Variants in IL13 observed in about 807,000 individuals in gnomAD.
IL13 encodes interleukin 13.
A neutral mutation model predicts 11.1 loss-of-function variants in IL13; 9 were observed. The observed-to-expected ratio is 0.81, with a 90% CI of 0.49 to 1.42. The LOEUF is 1.42. IL13 is among the 40% of genes most tolerant of loss of function. IL13 has a pLI of 0.00. For synonymous variants in IL13, 75 were observed against 76.9 expected (o/e 0.97, Z 0.13); for missense variants, 181 against 182.5 (o/e 0.99, Z 0.05).
rs1471091323 is a variant in IL13, at chr5:132,659,936, G to A, written c.333+108G>A. On this transcript the variant is annotated intron_variant, in intron 3 of 3. Coordinates refer to ENST00000304506, the MANE Select transcript of IL13 (RefSeq NM_002188.3). This position sits in a 1 kb window ranked among gnomAD's most constrained non-coding sequence, Gnocchi z 4.1. The stretch of plus-strand genomic sequence containing the variant: ...ATCCATGGTGTGTGTCCACCCAGGG[G>A]TGGGGCCATTGTGGCAGCAGGGACG... The A allele has an allele frequency of 1.3e-6, 2 of 1,503,518 alleles. No homozygotes were observed. Among genetic ancestry groups the A allele is most frequent in the Non-Finnish European group, 8.9e-7 (1 of 1,124,868 alleles). 93.1% of individuals were successfully genotyped at this position (1,503,518 alleles called of 1,614,324 possible).
In IL13 at chr5:132,659,627, C is replaced by T; in HGVS notation, c.229-97C>T. On this transcript the variant is annotated intron_variant, in intron 2 of 3. Transcript: ENST00000304506. The surrounding 1 kb of genome is among the most constrained non-coding windows in gnomAD (Gnocchi z 4.1). ...GGCCCCTTCCCGCCCACCACCCAGA[C>T]TCACCTGCGCCAGGCATCTCAGCCC... The T allele has an allele frequency of 4.4e-6, 7 of 1,596,796 alleles. No homozygotes were observed. The South Asian group carries it at 7.9e-5, about 18-fold the overall frequency.
In IL13 at chr5:132,659,243, C is replaced by T. The variant is rs1269617602; in HGVS notation, c.175-175C>T. Reference sequence around the variant, plus strand: ...TAAACAGTGGGACCTCACCCCTATGCCTGCTGTTCAAAGCAGAAAACGAAG... The same window carrying T: ...TAAACAGTGGGACCTCACCCCTATGTCTGCTGTTCAAAGCAGAAAACGAAG... On this transcript the variant is annotated intron_variant, in intron 1 of 3. Coordinates refer to ENST00000304506, the MANE Select transcript of IL13 (RefSeq NM_002188.3). This position sits in a 1 kb window ranked among gnomAD's most constrained non-coding sequence, Gnocchi z 4.1. 2 of 627,076 alleles carry T rather than the reference C, an allele frequency of 3.2e-6. No homozygotes were observed. Among genetic ancestry groups the T allele is most frequent in the Non-Finnish European group, 5.9e-6 (2 of 339,010 alleles). The allele number at this position is 627,076 out of a possible 1,614,324, so 38.8% of individuals were successfully genotyped here. A position where few individuals can be genotyped will look rare whatever the true frequency, so the allele number is the denominator to read the frequency against.
Position 132,658,274 on chromosome 5 carries a change from G to C in IL13, c.88G>C (p.Gly30Arg). 1 of 1,608,542 alleles carries C rather than the reference G, an allele frequency of 6.2e-7. No homozygotes were observed. The highest frequency in any genetic ancestry group is 1.1e-5 in the South Asian group (1 of 90,956). ...GGTCATTGCTCTCACTTGCCTTGGC[G>C]GCTTTGCCTCCCCAGGCCCTGTGCC... ...TTVIALTCLG[G>R]FASPGPVPPS... is the part of the protein sequence containing the mutation. The change falls in exon 1 of 4, where the codon GGC (glycine) becomes CGC (arginine). Residue 30 changes from glycine to arginine, a missense_variant. Transcript: ENST00000304506.
Position 132,659,309 on chromosome 5 carries a change from AC to A in IL13, c.175-108del, listed in dbSNP as rs1752101257. ...GGGCTGCCAGGCCTGCCTCTGTGCC[AC>A]ACCAGGGATGCTTGTGGGGCCTGTG... is the stretch of plus-strand genomic sequence containing the variant. On this transcript the variant is annotated intron_variant, in intron 1 of 3. Transcript: ENST00000304506. This position sits in a 1 kb window ranked among gnomAD's most constrained non-coding sequence, Gnocchi z 4.1. 3.8e-6 allele frequency: 3 copies of A among 784,282 alleles called. No homozygotes were observed. Among genetic ancestry groups the A allele is most frequent in the Non-Finnish European group, 6.7e-6 (3 of 449,468 alleles). 48.6% of individuals were successfully genotyped at this position (784,282 alleles called of 1,614,324 possible).
In IL13 at chr5:132,660,579, T is replaced by C. The variant is rs202101165; in HGVS notation, c.*297T>C. 106 of 305,244 alleles carry C rather than the reference T, an allele frequency of 3.5e-4. No homozygotes were observed. Among genetic ancestry groups the C allele is most frequent in the African/African-American group, 2.1e-3 (100 of 46,966 alleles). The allele number at this position is 305,244 out of a possible 1,614,324, so 18.9% of individuals were successfully genotyped here. A position where few individuals can be genotyped will look rare whatever the true frequency, so the allele number is the denominator to read the frequency against. On this transcript the variant is annotated 3_prime_UTR_variant, in exon 4 of 4. Transcript: ENST00000304506. ...CCTGCCCTAGAGCACACTGTAGCAT[T>C]ACAGTGGGTGCCCCCCTTGCCAGAC...
In IL13 at chr5:132,659,742, T is replaced by A; in HGVS notation, c.247T>A (p.Ser83Thr). The A allele has an allele frequency of 6.2e-7, 1 of 1,613,906 alleles. No individual in the cohort carries two copies. Among genetic ancestry groups the A allele is most frequent in the Non-Finnish European group, 8.5e-7 (1 of 1,180,020 alleles). The change falls in exon 3 of 4, where the codon TCC (serine) becomes ACC (threonine). Residue 83 changes from serine (S) to threonine (T), a missense_variant. Transcript: ENST00000304506. This position sits in a 1 kb window ranked among gnomAD's most constrained non-coding sequence, Gnocchi z 4.1. ...CCCACAGTACTGTGCAGCCCTGGAATCCCTGATCAACGTGTCAGGCTGCAG... is the reference window on the plus strand; with the variant it reads ...CCCACAGTACTGTGCAGCCCTGGAAACCCTGATCAACGTGTCAGGCTGCAG... ...TAGMYCAALE[S>T]LINVSGCSAI...
rs1204491793 is a variant in IL13 at position 132,659,555 on chromosome 5, G to A, written c.228+84G>A. 1 of 1,558,936 alleles carries A rather than the reference G, an allele frequency of 6.4e-7. No homozygotes were observed. Among genetic ancestry groups the A allele is most frequent in the African/African-American group, 1.4e-5 (1 of 74,008 alleles). ...TCTCTGAGCCTCCCTTCCATGGCTG[G>A]GGTTCCAAGCAAGCTTCAAGTGCTC... On this transcript the variant is annotated intron_variant, in intron 2 of 3. Coordinates refer to ENST00000304506, the MANE Select transcript of IL13 (RefSeq NM_002188.3). The surrounding 1 kb of genome is among the most constrained non-coding windows in gnomAD (Gnocchi z 4.1).
At chr5:132,658,599 C>A in intron 1 of IL13, 1 of 437,116 alleles carries the variant, frequency 2.3e-6, no homozygotes, top group Non-Finnish European at 4.0e-6. Context: ...CTCTCCTGGC[C>A]TGGCCTTGTC....
chr5:132,658,754 C>T, intron 1 of IL13: 1 of 191,480 alleles, frequency 5.2e-6, no homozygotes, highest in Non-Finnish European at 1.1e-5. Context: ...ATAGGCCCGC[C>T]CTTACAGGAG....
chr5:132,657,634 A>T (rs981809271), upstream of IL13, among the ~76,000 whole-genome samples: 1 of 152,242 alleles, frequency 6.6e-6, no homozygotes, highest in African/African-American at 2.4e-5. Context: ...GAATTAGGCA[A>T]GCCAAAAGAA....
upstream of IL13, among the ~76,000 whole-genome samples, chr5:132,657,553 C>A (rs1423717049): frequency 1.3e-5 from 2 of 152,122 alleles, no homozygotes; most frequent in Non-Finnish European, 2.9e-5. Context: ...ACCTCTGAAT[C>A]TTTCTGGATC....
rs1157005265 is a variant in IL13 at position 132,659,839 on chromosome 5, C to T, written c.333+11C>T. 2 of 1,612,784 alleles carry T rather than the reference C, an allele frequency of 1.2e-6. No individual in the cohort carries two copies. Among genetic ancestry groups the T allele is most frequent in the East Asian group, 2.2e-5 (1 of 44,892 alleles). On this transcript the variant is annotated intron_variant, in intron 3 of 3. Coordinates refer to ENST00000304506, the MANE Select transcript of IL13 (RefSeq NM_002188.3). The surrounding 1 kb of genome is among the most constrained non-coding windows in gnomAD (Gnocchi z 4.1). ...AAGGTCTCAGCTGGGGTAAGGCATC[C>T]CCCACCCTCTCACACCCACCCTGCA... is the stretch of plus-strand genomic sequence containing the variant.
chr5:132,657,631 G>A (rs551488083), upstream of IL13, among the ~76,000 whole-genome samples: 27 of 152,322 alleles, frequency 1.8e-4, no homozygotes, highest in African/African-American at 6.0e-4. Flanking sequence ...GAGGAATTAG[G>A]CAAGCCAAAA....
rs758955797 is a variant in IL13 at position 132,660,302 on chromosome 5, T to C, written c.*20T>C. On this transcript the variant is annotated 3_prime_UTR_variant, in exon 4 of 4. Coordinates refer to ENST00000304506, the MANE Select transcript of IL13 (RefSeq NM_002188.3). Reference sequence around the variant, plus strand: ...AACTGAAACTTCGAAAGCATCATTATTTGCAGAGACAGGACCTGACTATTG... The same window carrying C: ...AACTGAAACTTCGAAAGCATCATTACTTGCAGAGACAGGACCTGACTATTG... 15 of 1,612,376 alleles carry C rather than the reference T, an allele frequency of 9.3e-6. No individual in the cohort carries two copies. Among genetic ancestry groups the C allele is most frequent in the South Asian group, 4.4e-5 (4 of 90,910 alleles).
chr5:132,660,555 C>T lies in IL13; in HGVS notation c.*273C>T. On this transcript the variant is annotated 3_prime_UTR_variant, in exon 4 of 4. Coordinates refer to ENST00000304506, the MANE Select transcript of IL13 (RefSeq NM_002188.3). ...GATGACATGTCCCTACACCCCTCCC[C>T]TGCCCTAGAGCACACTGTAGCATTA... 1 of 419,052 alleles carries T rather than the reference C, an allele frequency of 2.4e-6. No individual in the cohort carries two copies. Among genetic ancestry groups the T allele is most frequent in the Non-Finnish European group, 4.4e-6 (1 of 228,442 alleles). The allele number at this position is 419,052 out of a possible 1,614,324, so 26.0% of individuals were successfully genotyped here.
chr5:132,658,251 T>C lies in IL13; in HGVS notation c.65T>C (p.Val22Ala), dbSNP rs754964536. ...CTCATGGCGCTTTTGTTGACCACGG[T>C]CATTGCTCTCACTTGCCTTGGCGGC... ...LGLMALLLTT[V>A]IALTCLGGFA... The change falls in exon 1 of 4, where the codon GTC (valine) becomes GCC (alanine). Residue 22 changes from valine to alanine, a missense_variant. Physicochemically the swap from Val to Ala is moderately conservative, Grantham distance 64. Coordinates refer to ENST00000304506, the MANE Select transcript of IL13 (RefSeq NM_002188.3). 6.2e-7 allele frequency: 1 copy of C among 1,610,314 alleles called. No homozygotes were observed. Among genetic ancestry groups the C allele is most frequent in the Non-Finnish European group, 8.5e-7 (1 of 1,176,526 alleles).
In IL13 at chr5:132,659,325, TGG is replaced by T. The variant is rs1752101704; in HGVS notation, c.175-90_175-89del. 1 of 856,116 alleles carries T rather than the reference TGG, an allele frequency of 1.2e-6. No homozygotes were observed. Among genetic ancestry groups the T allele is most frequent in the South Asian group, 1.4e-5 (1 of 69,836 alleles). 53.0% of individuals were successfully genotyped at this position (856,116 alleles called of 1,614,324 possible). ...CTCTGTGCCACACCAGGGATGCTTG[TGG>T]GGCCTGTGCTGGGGCAGACCTGGCC... On this transcript the variant is annotated intron_variant, in intron 1 of 3. Transcript: ENST00000304506. This position sits in a 1 kb window ranked among gnomAD's most constrained non-coding sequence, Gnocchi z 4.1.
chr5:132,658,663 G>A (rs760965367), intron 1 of IL13: 11 of 334,534 alleles, frequency 3.3e-5, no homozygotes, highest in Non-Finnish European at 5.4e-5. Flanking sequence ...GCAGAGAAGG[G>A]CCAGCACCCT....
rs1369704280 is a variant in IL13 at position 132,659,485 on chromosome 5, G to A, written c.228+14G>A. Reference sequence around the variant, plus strand: ...ACAGCTGGCATGGTAAGGACCTTTGGGTGCAGGGAGGATGGGGCAGAGGCT... The same window carrying A: ...ACAGCTGGCATGGTAAGGACCTTTGAGTGCAGGGAGGATGGGGCAGAGGCT... On this transcript the variant is annotated intron_variant, in intron 2 of 3. Coordinates refer to ENST00000304506, the MANE Select transcript of IL13 (RefSeq NM_002188.3). This position sits in a 1 kb window ranked among gnomAD's most constrained non-coding sequence, Gnocchi z 4.1. The A allele has an allele frequency of 1.9e-6, 3 of 1,606,392 alleles. No individual in the cohort carries two copies. The highest frequency in any genetic ancestry group is 2.6e-6 in the Non-Finnish European group (3 of 1,174,008).
Sources: allele counts gnomAD v4.1 joint callset (sites outside exome capture counted in the v4.1 genomes callset), GRCh38; gene constraint gnomAD v4.1.1; non-coding constraint Gnocchi (gnomAD v3.1); transcripts MANE v1.5; gene names NCBI Gene and HGNC (gene_info 2026-07-23, HGNC 2026-07-21).